The following LPIN1 variants were observed in gnomAD, a reference collection of about 807,000 sequenced individuals.
The protein encoded by LPIN1 is lipin 1.
In LPIN1, 71 loss-of-function variants were observed where a neutral mutation model predicts 107.5. That is an observed-to-expected ratio of 0.66 (90% CI 0.55 to 0.80). The LOEUF (loss-of-function observed/expected upper bound fraction) is 0.80. Among genes scored for constraint, LPIN1 ranks in the 30% least tolerant of loss-of-function variants. The pLI, the probability that LPIN1 is intolerant of heterozygous loss-of-function variation, is 0.00. For missense variants in LPIN1, 1,043 were observed against 1,160.6 expected, an observed-to-expected ratio of 0.90 and a Z score of 1.47; for synonymous variants, 445 against 452.6, an observed-to-expected ratio of 0.98 and a Z score of 0.21.
In LPIN1 at chr2:11,786,741, C is replaced by T. The variant is rs986513225; in HGVS notation, c.1550-333C>T. 6.6e-6 allele frequency among the ~76,000 whole-genome samples: 1 copy of T among 152,242 alleles called. No individual in the cohort carries two copies. The highest frequency in any genetic ancestry group is 2.4e-5 in the African/African-American group (1 of 41,472). Reference sequence around the variant, plus strand: ...CGTGACTTCAGCCGAGGGAGCCTGGCTTCTGCGCCATGCGTAGCCATGACT... The same window carrying T: ...CGTGACTTCAGCCGAGGGAGCCTGGTTTCTGCGCCATGCGTAGCCATGACT... On this transcript the variant is annotated intron_variant, in intron 10 of 20. Coordinates refer to ENST00000674199, the MANE Select transcript of LPIN1 (RefSeq NM_001349206.2). The surrounding 1 kb of genome is among the most constrained non-coding windows in gnomAD (Gnocchi z 4.1).
At chr2:11,808,707 C>A (rs563130903) in intron 17 of LPIN1, among the ~76,000 whole-genome samples, 30 of 152,118 alleles carry the variant, frequency 2.0e-4, no homozygotes, top group African/African-American at 6.7e-4. Flanking sequence ...AACCCCATCT[C>A]TACTAAAAAT....
At chr2:11,743,796 C>G (rs565381619), upstream of LPIN1, among the ~76,000 whole-genome samples, 28 of 152,146 alleles carry the variant, frequency 1.8e-4, no homozygotes, top group Admixed American at 9.8e-4. This position sits in a 1 kb window ranked among gnomAD's most constrained non-coding sequence, Gnocchi z 4.7. Context: ...GCAGGGCACC[C>G]GTGAAGAGGG....
chr2:11,684,115 T>C (rs1246080794), intron 1 of LPIN1, among the ~76,000 whole-genome samples: 6 of 152,176 alleles, frequency 3.9e-5, no homozygotes, highest in Admixed American at 3.9e-4. Context: ...TATCACGCTG[T>C]CTCTTGTGAT....
intron 1 of LPIN1, among the ~76,000 whole-genome samples, chr2:11,755,039 C>T (rs949966686): frequency 6.6e-6 from 1 of 151,016 alleles, no homozygotes; most frequent in Non-Finnish European, 1.5e-5. Flanking sequence ...GATCTCGGCT[C>T]ACTGCAAGCT....
intron 1 of LPIN1, among the ~76,000 whole-genome samples, chr2:11,751,817 C>A (rs774038731): frequency 1.1e-4 from 16 of 152,180 alleles, no homozygotes; most frequent in South Asian, 2.1e-4. Context: ...GCGCCACTGC[C>A]CTCCAGCCTG....
intron 1 of LPIN1, among the ~76,000 whole-genome samples, chr2:11,680,666 T>C (rs1442949485): frequency 6.6e-6 from 1 of 152,162 alleles, no homozygotes; most frequent in African/African-American, 2.4e-5. Flanking sequence ...GGGGTCAGCT[T>C]GAGCAAAGGC....
chr2:11,782,621 C>A, intron 8 of LPIN1, 114 bp downstream of exon 8: 1 of 1,181,354 alleles, frequency 8.5e-7, no homozygotes, highest in Non-Finnish European at 1.2e-6. Flanking sequence ...TGAACCGTGA[C>A]AATGATCATG....
intron 1 of LPIN1, among the ~76,000 whole-genome samples, chr2:11,679,285 G>A (rs1320028691): frequency 6.6e-6 from 1 of 152,184 alleles, no homozygotes; most frequent in Non-Finnish European, 1.5e-5. Flanking sequence ...GAGGAACCCA[G>A]GCCTCCTGGG....
intron 1 of LPIN1, among the ~76,000 whole-genome samples, chr2:11,703,598 A>G (rs1252177829): frequency 6.6e-6 from 1 of 152,228 alleles, no homozygotes; most frequent in Non-Finnish European, 1.5e-5. Flanking sequence ...ACAAACGGGC[A>G]CGTATCAAAC....
intron 4 of LPIN1, among the ~76,000 whole-genome samples, chr2:11,773,195 G>A (rs1672132447): frequency 6.6e-6 from 1 of 152,224 alleles, no homozygotes; most frequent in South Asian, 2.1e-4. Flanking sequence ...TAGACAAAAT[G>A]TGATCAGCGT....
chr2:11,711,004 T>C (rs750631205), intron 1 of LPIN1, among the ~76,000 whole-genome samples: 26 of 152,342 alleles, frequency 1.7e-4, no homozygotes, highest in Non-Finnish European at 2.6e-4. Flanking sequence ...GGGTCAGAGA[T>C]ATTGCTCCTC....
upstream of LPIN1, among the ~76,000 whole-genome samples, chr2:11,721,417 G>A (rs553346642): frequency 1.6e-4 from 24 of 152,032 alleles, no homozygotes; most frequent in South Asian, 5.0e-3. Flanking sequence ...TTCCCATTGT[G>A]TCACTGTCCA....
intron 2 of LPIN1, among the ~76,000 whole-genome samples, chr2:11,718,719 A>T (rs1173800589): frequency 6.6e-6 from 1 of 151,974 alleles, no homozygotes; most frequent in Non-Finnish European, 1.5e-5. Context: ...ATTTTTTCCT[A>T]CTGGAAGCTT....
chr2:11,823,451 C>T (rs1170895298), intron 20 of LPIN1, among the ~76,000 whole-genome samples: 1 of 152,202 alleles, frequency 6.6e-6, no homozygotes, highest in African/African-American at 2.4e-5. Context: ...TATTAGGAGA[C>T]GTCACTTTCC....
At chr2:11,694,923 C>T (rs974867314) in intron 1 of LPIN1, among the ~76,000 whole-genome samples, 7 of 152,180 alleles carry the variant, frequency 4.6e-5, no homozygotes, top group Non-Finnish European at 8.8e-5. Context: ...TTTCTCCACC[C>T]ATTTTTCTCA....
chr2:11,682,309 T>A (rs938270250), intron 1 of LPIN1: 2 of 152,502 alleles, frequency 1.3e-5, no homozygotes, highest in African/African-American at 2.4e-5. Context: ...GACAGGAAAT[T>A]AGGATGAGCA....
intron 8 of LPIN1, 23 bp downstream of exon 8, chr2:11,782,530 GCT>G: frequency 6.2e-7 from 1 of 1,613,050 alleles, no homozygotes. Context: ...GGGCTTCCCG[GCT>G]CTTTTTCTGT....
At chr2:11,710,243 C>A (rs4669775) in intron 1 of LPIN1, among the ~76,000 whole-genome samples, 63,211 of 151,976 alleles carry the variant, frequency 0.42, 14,604 homozygotes, top group South Asian at 0.55. Context: ...GGGATTACAA[C>A]TTCAATATAT....
chr2:11,701,266 T>G (rs920428475), intron 1 of LPIN1, among the ~76,000 whole-genome samples: 5 of 152,226 alleles, frequency 3.3e-5, no homozygotes, highest in African/African-American at 1.2e-4. Context: ...GGATTACAGA[T>G]ACTAGTTTCT....
Sources: allele counts gnomAD v4.1 joint callset (sites outside exome capture counted in the v4.1 genomes callset), GRCh38; gene constraint gnomAD v4.1.1; non-coding constraint Gnocchi (gnomAD v3.1); transcripts MANE v1.5; gene names NCBI Gene and HGNC (gene_info 2026-07-23, HGNC 2026-07-21).